Variants in LAPTM4B observed in about 807,000 individuals in gnomAD.
LAPTM4B encodes lysosomal-associated transmembrane protein 4B.
Under a neutral mutation model 28.5 loss-of-function variants are expected in LAPTM4B, and 26 were observed. The observed-to-expected ratio is 0.91, with a 90% CI of 0.67 to 1.27. The LOEUF is 1.27. Among genes scored for constraint, LAPTM4B ranks in the 50% most tolerant of loss-of-function variants. LAPTM4B has a pLI of 0.00. For missense variants in LAPTM4B, 288 were observed against 285.8 expected, an observed-to-expected ratio of 1.01 and a Z score of -0.06; for synonymous variants, 109 against 106.4, an observed-to-expected ratio of 1.02 and a Z score of -0.15.
At chr8:97,840,119 T>C (rs1817323961) in intron 6 of LAPTM4B, among the ~76,000 whole-genome samples, 1 of 152,218 alleles carries the variant, frequency 6.6e-6, no homozygotes, top group South Asian at 2.1e-4. Flanking sequence ...AGGCAGCTGC[T>C]GAGATGCCTT....
chr8:97,797,624 A>C (rs113000234), intron 1 of LAPTM4B, among the ~76,000 whole-genome samples: 9 of 152,182 alleles, frequency 5.9e-5, no homozygotes, highest in African/African-American at 2.2e-4. Context: ...TCATTTTTGG[A>C]TACAACCTGT....
At chr8:97,842,473 G>A (rs72673471) in intron 6 of LAPTM4B, among the ~76,000 whole-genome samples, 25,818 of 151,998 alleles carry the variant, frequency 0.17, 2,297 homozygotes, top group East Asian at 0.23. Context: ...CCCTCCTGCA[G>A]GAGGGCCGGC....
chr8:97,825,930 A>G (rs1288993757), intron 6 of LAPTM4B, among the ~76,000 whole-genome samples: 1 of 152,230 alleles, frequency 6.6e-6, no homozygotes, highest in African/African-American at 2.4e-5. Context: ...CAAAACGGAT[A>G]GGATTGGACT....
chr8:97,828,749 G>A (rs531583260), intron 6 of LAPTM4B, among the ~76,000 whole-genome samples: 1 of 152,300 alleles, frequency 6.6e-6, no homozygotes, highest in African/African-American at 2.4e-5. Flanking sequence ...GAGTTATATC[G>A]GTAAGGCTAG....
chr8:97,778,103 C>G (rs969805778), intron 1 of LAPTM4B, among the ~76,000 whole-genome samples: 6 of 152,146 alleles, frequency 3.9e-5, no homozygotes, highest in Non-Finnish European at 7.3e-5. Context: ...TGAGCACGCT[C>G]TCTGTGGAAA....
chr8:97,850,535 G>T (rs1242205540), intron 6 of LAPTM4B, among the ~76,000 whole-genome samples: 1 of 142,618 alleles, frequency 7.0e-6, no homozygotes, highest in Non-Finnish European at 1.5e-5. Context: ...TTTTAGTGTG[G>T]TTCTAGTAGG....
chr8:97,839,382 G>C (rs1429920513), intron 6 of LAPTM4B, among the ~76,000 whole-genome samples: 1 of 151,996 alleles, frequency 6.6e-6, no homozygotes, highest in Non-Finnish European at 1.5e-5. Flanking sequence ...TAGTAGAGAC[G>C]GGGTTTCACC....
intron 4 of LAPTM4B, among the ~76,000 whole-genome samples, chr8:97,818,603 T>C (rs1408225723): frequency 6.6e-6 from 1 of 152,210 alleles, no homozygotes; most frequent in African/African-American, 2.4e-5. Context: ...TAAGAGAATA[T>C]GCTGTCTTGG....
chr8:97,835,790 T>C (rs1002554711), intron 6 of LAPTM4B, among the ~76,000 whole-genome samples: 2 of 152,182 alleles, frequency 1.3e-5, no homozygotes, highest in Non-Finnish European at 2.9e-5. Context: ...TCTCCACTGC[T>C]GCCAAAATTT....
At chr8:97,779,885 C>T (rs1413270932) in intron 1 of LAPTM4B, among the ~76,000 whole-genome samples, 1 of 151,300 alleles carries the variant, frequency 6.6e-6, no homozygotes, top group Non-Finnish European at 1.5e-5. Flanking sequence ...AACCTCATCT[C>T]TACTAAAACT....
At chr8:97,845,566 C>G (rs1396828567) in intron 6 of LAPTM4B, among the ~76,000 whole-genome samples, 2 of 152,068 alleles carry the variant, frequency 1.3e-5, no homozygotes, top group African/African-American at 4.8e-5. Context: ...ATAGCTTTAC[C>G]TCACCCTTCT....
intron 1 of LAPTM4B, among the ~76,000 whole-genome samples, chr8:97,801,011 C>T (rs116606285): frequency 0.043 from 6,580 of 152,016 alleles, 193 homozygotes; most frequent in Admixed American, 0.082. Flanking sequence ...TCACACTGTA[C>T]GACTTCCTCA....
chr8:97,811,285 A>C (rs1399597830), intron 2 of LAPTM4B, among the ~76,000 whole-genome samples: 1 of 152,120 alleles, frequency 6.6e-6, no homozygotes, highest in Non-Finnish European at 1.5e-5. Context: ...TCAGTCCTAG[A>C]TATATACCCT....
intron 1 of LAPTM4B, among the ~76,000 whole-genome samples, chr8:97,780,009 C>T (rs1158060752): frequency 2.0e-5 from 3 of 147,996 alleles, no homozygotes; most frequent in South Asian, 2.1e-4. Flanking sequence ...CGAGATCACG[C>T]CACTGCACTC....
chr8:97,841,667 C>G (rs540586206), intron 6 of LAPTM4B, among the ~76,000 whole-genome samples: 4 of 152,164 alleles, frequency 2.6e-5, no homozygotes, highest in African/African-American at 4.8e-5. Flanking sequence ...TCTGATTATT[C>G]GATCCCAAAT....
chr8:97,810,209 A>G (rs1816806955), intron 2 of LAPTM4B, among the ~76,000 whole-genome samples: 1 of 152,106 alleles, frequency 6.6e-6, no homozygotes, highest in South Asian at 2.1e-4. Flanking sequence ...GGCATGAGCC[A>G]CCCTACCCGC....
At chr8:97,799,719 A>G (rs998492496) in intron 1 of LAPTM4B, among the ~76,000 whole-genome samples, 2 of 152,098 alleles carry the variant, frequency 1.3e-5, no homozygotes, top group South Asian at 4.1e-4. Context: ...TCCTTCCTCA[A>G]AACCTTTATG....
intron 1 of LAPTM4B, among the ~76,000 whole-genome samples, chr8:97,792,377 C>T (rs1414062904): frequency 6.6e-6 from 1 of 151,960 alleles, no homozygotes; most frequent in Non-Finnish European, 1.5e-5. Context: ...ACCCCAGCTC[C>T]CCAGGCAGCT....
chr8:97,823,694 T>G lies in LAPTM4B; in HGVS notation c.508-1364T>G, dbSNP rs1008519114. 1.4e-4 allele frequency among the ~76,000 whole-genome samples: 16 copies of G among 114,968 alleles called. No homozygotes were observed. In the East Asian group the frequency reaches 1.7e-3, roughly 12 times the overall value. The allele number at this position is 114,968 out of a possible 152,430, so 75.4% of individuals were successfully genotyped here. A position where few individuals can be genotyped will look rare whatever the true frequency, so the allele number is the denominator to read the frequency against. On this transcript the variant is annotated intron_variant, in intron 5 of 6. Coordinates refer to ENST00000521545, the MANE Select transcript of LAPTM4B (RefSeq NM_018407.6). Reference sequence around the variant, plus strand: ...CCAGTCCCATTATTATTATTATTTATTTAGTTTTTTTTTTTTTTTCGGAGA... The same window carrying G: ...CCAGTCCCATTATTATTATTATTTAGTTAGTTTTTTTTTTTTTTTCGGAGA...
Sources: gnomAD v4.1 joint callset for allele counts (sites outside exome capture counted in the v4.1 genomes callset) on GRCh38, gnomAD v4.1.1 for gene constraint, MANE v1.5 for transcripts, NCBI Gene and HGNC (gene_info 2026-07-23, HGNC 2026-07-21) for gene names.